Variants in TIAM1 observed in about 807,000 individuals in gnomAD.
TIAM1 encodes the protein rho guanine nucleotide exchange factor TIAM1.
TIAM1 carries 65 observed loss-of-function variants against 163.5 expected under a neutral mutation model. The observed-to-expected ratio is 0.40, with a 90% CI of 0.33 to 0.49. The LOEUF is 0.49. TIAM1 is among the 20% of genes least tolerant of loss of function. The probability of loss-of-function intolerance (pLI) is 0.77; values close to 1 mark genes in which losing one functional copy is unlikely to be tolerated. For missense variants in TIAM1, 1,789 were observed against 2,044.7 expected, an observed-to-expected ratio of 0.87 and a Z score of 2.41; for synonymous variants, 833 against 810.1, an observed-to-expected ratio of 1.03 and a Z score of -0.48.
chr21:31,255,086 G>A lies in TIAM1; in HGVS notation c.964-2897C>T, dbSNP rs146578036. Among the ~76,000 whole-genome samples, 957 of 152,248 alleles carry A rather than the reference G, an allele frequency of 6.3e-3. 3 individuals are homozygous for A. Among genetic ancestry groups the A allele is most frequent in the Non-Finnish European group, 0.01 (707 of 68,030 alleles). On this transcript the variant is annotated intron_variant, in intron 4 of 27. Transcript: ENST00000541036. ...TAGCTTTGCCATGACCAGACTGTGT[G>A]TGTTCAACTCTGGGACAACCACTAA...
chr21:31,143,583 T>C (rs1236793960), intron 20 of TIAM1, among the ~76,000 whole-genome samples: 1 of 151,790 alleles, frequency 6.6e-6, no homozygotes, highest in Non-Finnish European at 1.5e-5. Flanking sequence ...TTTAATGATA[T>C]TTATAGATTT....
intron 1 of TIAM1, among the ~76,000 whole-genome samples, chr21:31,549,360 C>T (rs549902839): frequency 3.3e-5 from 5 of 152,100 alleles, no homozygotes; most frequent in African/African-American, 1.2e-4. Context: ...ATGCATAGGG[C>T]ATCATCAAGA....
intron 15 of TIAM1, among the ~76,000 whole-genome samples, chr21:31,174,514 A>G (rs1310024118): frequency 6.6e-6 from 1 of 152,178 alleles, no homozygotes; most frequent in East Asian, 1.9e-4. Flanking sequence ...ATTGCCTTTA[A>G]CATGCCATAG....
chr21:31,452,908 G>T (rs567390360), intron 2 of TIAM1: 38 of 515,794 alleles, frequency 7.4e-5, no homozygotes, highest in African/African-American at 5.3e-4. Flanking sequence ...CTGAAGACAG[G>T]CCTAGATATT....
At chr21:31,258,405 C>G (rs1696160718) in intron 4 of TIAM1, among the ~76,000 whole-genome samples, 1 of 152,182 alleles carries the variant, frequency 6.6e-6, no homozygotes, top group South Asian at 2.1e-4. Flanking sequence ...GTTGAGGTGA[C>G]AAATGAGTCC....
chr21:31,182,983 C>A (rs550889776), intron 14 of TIAM1, among the ~76,000 whole-genome samples: 4 of 152,118 alleles, frequency 2.6e-5, no homozygotes, highest in Non-Finnish European at 4.4e-5. Context: ...GCGGGGCGAG[C>A]GGGGAATGGC....
Position 31,120,929 on chromosome 21 carries a change from A to T in TIAM1, c.4307-92T>A. 3 of 1,277,690 alleles carry T rather than the reference A, an allele frequency of 2.3e-6. No homozygotes were observed. Among genetic ancestry groups the T allele is most frequent in the Non-Finnish European group, 3.2e-6 (3 of 948,432 alleles). The allele number at this position is 1,277,690 out of a possible 1,614,324, so 79.1% of individuals were successfully genotyped here. A position where few individuals can be genotyped will look rare whatever the true frequency, so the allele number is the denominator to read the frequency against. On this transcript the variant is annotated intron_variant, in intron 27 of 27. Transcript: ENST00000541036. This position sits in a 1 kb window ranked among gnomAD's most constrained non-coding sequence, Gnocchi z 4.2. ...AAGCAAAGGACAGGAGAAAATAAAA[A>T]CCAAAACGGTATGCATTGAATGCCT... is the stretch of plus-strand genomic sequence containing the variant.
At chr21:31,414,679 G>A (rs2043313062) in intron 2 of TIAM1, among the ~76,000 whole-genome samples, 2 of 152,224 alleles carry the variant, frequency 1.3e-5, no homozygotes, top group African/African-American at 2.4e-5. Context: ...TGAAGGACAG[G>A]TGTCTGGGCA....
chr21:31,169,435 A>G (rs1365968967), intron 15 of TIAM1, among the ~76,000 whole-genome samples: 1 of 152,220 alleles, frequency 6.6e-6, no homozygotes, highest in African/African-American at 2.4e-5. Context: ...TAAATTGACG[A>G]AATGAGAGAA....
chr21:31,404,150 T>C (rs2077210064), intron 2 of TIAM1, among the ~76,000 whole-genome samples: 1 of 152,206 alleles, frequency 6.6e-6, no homozygotes, highest in Non-Finnish European at 1.5e-5. Context: ...TTGTTTATCA[T>C]TCCCTCCAAG....
At chr21:31,127,932 C>T (rs1387018281) in intron 25 of TIAM1, among the ~76,000 whole-genome samples, 1 of 152,158 alleles carries the variant, frequency 6.6e-6, no homozygotes, top group Non-Finnish European at 1.5e-5. Flanking sequence ...TTGGGTTTCT[C>T]GTCCCCAGCC....
intron 2 of TIAM1, among the ~76,000 whole-genome samples, chr21:31,336,760 T>C (rs1307150189): frequency 6.6e-6 from 1 of 151,972 alleles, no homozygotes; most frequent in Non-Finnish European, 1.5e-5. Flanking sequence ...GCTGGGGCAG[T>C]CCAGAAAGAC....
At chr21:31,485,789 C>G (rs2046252793) in intron 1 of TIAM1, among the ~76,000 whole-genome samples, 1 of 152,126 alleles carries the variant, frequency 6.6e-6, no homozygotes, top group Non-Finnish European at 1.5e-5. Context: ...TCTAAGCCCC[C>G]ACACGTATTA....
chr21:31,249,731 C>T (rs1378471811), intron 5 of TIAM1, among the ~76,000 whole-genome samples: 1 of 152,116 alleles, frequency 6.6e-6, no homozygotes, highest in African/African-American at 2.4e-5. Context: ...TCAGACATAA[C>T]CCTGTAACAC....
chr21:31,199,921 A>C (rs113089178), intron 12 of TIAM1, among the ~76,000 whole-genome samples: 26,241 of 150,398 alleles, frequency 0.17, 3,373 homozygotes, highest in East Asian at 0.39. Context: ...AAAAAAAAAA[A>C]AAAACACACA....
intron 2 of TIAM1, among the ~76,000 whole-genome samples, chr21:31,313,996 A>G (rs994417848): frequency 1.3e-5 from 2 of 152,252 alleles, no homozygotes; most frequent in Non-Finnish European, 2.9e-5. Flanking sequence ...ATGGGAGTGT[A>G]AGATGTGATT....
At chr21:31,442,600 C>T (rs1164067972) in intron 2 of TIAM1, among the ~76,000 whole-genome samples, 1 of 152,168 alleles carries the variant, frequency 6.6e-6, no homozygotes, top group African/African-American at 2.4e-5. Context: ...CAAGGACTTA[C>T]ACATCAAAGG....
Position 31,245,687 on chromosome 21 carries a change from T to G in TIAM1, c.1412-27A>C, listed in dbSNP as rs1212195529. The G allele has an allele frequency of 3.4e-6, 5 of 1,483,278 alleles. No individual in the cohort carries two copies. In the South Asian group the frequency reaches 7.1e-5, roughly 21 times the overall value. The allele number at this position is 1,483,278 out of a possible 1,614,324, so 91.9% of individuals were successfully genotyped here. ...TGAGGAAACAGAACAGGGGTGTGCA[T>G]GAGTATTCAGTGCTTGGGAAACAAA... On this transcript the variant is annotated intron_variant, in intron 5 of 27. Transcript: ENST00000541036.
At chr21:31,152,893 C>A in intron 18 of TIAM1, 132 bp from the exon 19 acceptor site, 1 of 1,329,480 alleles carries the variant, frequency 7.5e-7, no homozygotes, top group Non-Finnish European at 1.0e-6. Flanking sequence ...GAGAGCGGGG[C>A]AGTTTTTTAC....
Sources: allele counts gnomAD v4.1 joint callset (sites outside exome capture counted in the v4.1 genomes callset), GRCh38; gene constraint gnomAD v4.1.1; non-coding constraint Gnocchi (gnomAD v3.1); transcripts MANE v1.5; gene names NCBI Gene and HGNC (gene_info 2026-07-23, HGNC 2026-07-21).